Variants in L3MBTL4 observed in about 807,000 individuals in gnomAD.
L3MBTL4 encodes the protein L3MBTL histone methyl-lysine binding protein 4.
L3MBTL4 carries 70 observed loss-of-function variants against 84.5 expected under a neutral mutation model. The ratio of observed to expected loss-of-function variants is 0.83; its 90% CI spans 0.68 to 1.01. The LOEUF (loss-of-function observed/expected upper bound fraction) is 1.01. Among genes scored for constraint, L3MBTL4 ranks in the 50% least tolerant of loss-of-function variants. L3MBTL4 has a pLI of 0.00. For missense variants in L3MBTL4, 715 were observed against 754.8 expected (o/e 0.95, Z 0.62); for synonymous variants, 274 against 259.8 (o/e 1.05, Z -0.52).
intron 1 of L3MBTL4, among the ~76,000 whole-genome samples, chr18:6,379,184 C>T (rs549489632): frequency 2.0e-5 from 3 of 152,318 alleles, no homozygotes; most frequent in Non-Finnish European, 4.4e-5. Flanking sequence ...TGAGACTTTA[C>T]TGAAGTTGCT....
intron 16 of L3MBTL4, chr18:6,030,403 CACAA>C (rs1056794543): frequency 3.3e-5 from 33 of 985,082 alleles, no homozygotes; most frequent in Non-Finnish European, 4.0e-5. Flanking sequence ...AAAGCAGGAA[CACAA>C]ACATATATAC....
chr18:6,169,600 G>A (rs2043860108), intron 13 of L3MBTL4, among the ~76,000 whole-genome samples: 1 of 148,674 alleles, frequency 6.7e-6, no homozygotes, highest in African/African-American at 2.5e-5. Context: ...AACACCGCAT[G>A]TTCTCACTCA....
At chr18:6,074,820 C>T (rs1419140925) in intron 16 of L3MBTL4, among the ~76,000 whole-genome samples, 1 of 152,022 alleles carries the variant, frequency 6.6e-6, no homozygotes, top group East Asian at 1.9e-4. Context: ...ATTTTCCCAA[C>T]TTATGACATA....
intron 13 of L3MBTL4, among the ~76,000 whole-genome samples, chr18:6,159,693 C>A (rs1364383822): frequency 6.6e-6 from 1 of 152,176 alleles, no homozygotes; most frequent in Non-Finnish European, 1.5e-5. Context: ...CACCACCAGG[C>A]CACTCCATAC....
At position 5,955,325 on chromosome 18, in the gene L3MBTL4, T is replaced by G. The variant is rs1376246677; in HGVS notation, c.*895A>C. ...TTGTAAAGATGCACACAGCCCCAGA[T>G]GTAATATAACACAGCTCCTTATTAC... On this transcript the variant is annotated 3_prime_UTR_variant, in exon 19 of 19. Transcript: ENST00000317931. The G allele has an allele frequency of 2.6e-5, 4 of 152,256 alleles. No homozygotes were observed. The highest frequency in any genetic ancestry group is 4.4e-5 in the Non-Finnish European group (3 of 68,050). 9.4% of individuals were successfully genotyped at this position (152,256 alleles called of 1,614,324 possible).
intron 1 of L3MBTL4, among the ~76,000 whole-genome samples, chr18:6,318,053 C>T (rs995677621): frequency 9.9e-5 from 15 of 151,866 alleles, no homozygotes; most frequent in African/African-American, 2.2e-4. Context: ...AAACAAATGC[C>T]GAGGGAATTT....
intron 6 of L3MBTL4, 67 bp downstream of exon 6, chr18:6,244,417 T>TTTGA: frequency 9.9e-7 from 1 of 1,014,362 alleles, no homozygotes; most frequent in Non-Finnish European, 1.5e-6. Context: ...AACAAATTTG[T>TTTGA]TATTTTCTAG....
At chr18:6,291,624 G>T (rs896904984) in intron 4 of L3MBTL4, among the ~76,000 whole-genome samples, 4 of 152,120 alleles carry the variant, frequency 2.6e-5, no homozygotes, top group African/African-American at 9.7e-5. Flanking sequence ...AATAAATGGT[G>T]CTGGGGAAAC....
chr18:6,234,119 A>C (rs1177788587), intron 10 of L3MBTL4, among the ~76,000 whole-genome samples: 2 of 152,222 alleles, frequency 1.3e-5, no homozygotes, highest in African/African-American at 4.8e-5. Context: ...CGACATGTAG[A>C]AAGCTGAAAC....
At chr18:6,091,672 C>G (rs2058462684) in intron 15 of L3MBTL4, among the ~76,000 whole-genome samples, 1 of 152,148 alleles carries the variant, frequency 6.6e-6, no homozygotes, top group Admixed American at 6.5e-5. Context: ...AGGGAGGCAA[C>G]ATATCTGTGT....
intron 10 of L3MBTL4, among the ~76,000 whole-genome samples, chr18:6,235,916 CA>C (rs1436791288): frequency 6.6e-6 from 1 of 152,086 alleles, no homozygotes; most frequent in Non-Finnish European, 1.5e-5. Flanking sequence ...CTGAAAACTA[CA>C]AATTATAATT....
intron 14 of L3MBTL4, among the ~76,000 whole-genome samples, chr18:6,101,524 A>G (rs1242447512): frequency 6.6e-6 from 1 of 152,142 alleles, no homozygotes; most frequent in African/African-American, 2.4e-5. Flanking sequence ...CTACTTAACT[A>G]AAGCACCCAC....
intron 14 of L3MBTL4, among the ~76,000 whole-genome samples, chr18:6,094,521 G>T (rs1169291802): frequency 6.6e-6 from 1 of 152,000 alleles, no homozygotes; most frequent in South Asian, 2.1e-4. Flanking sequence ...TGTTATCACC[G>T]GCTACACCTA....
chr18:6,062,364 T>A (rs1469545208), intron 16 of L3MBTL4, among the ~76,000 whole-genome samples: 2 of 152,034 alleles, frequency 1.3e-5, no homozygotes, highest in Non-Finnish European at 2.9e-5. Flanking sequence ...TGCTCCTCTA[T>A]GGGTAAGGTG....
intron 14 of L3MBTL4, among the ~76,000 whole-genome samples, chr18:6,095,248 G>A (rs143746720): frequency 1.0e-3 from 158 of 151,920 alleles, no homozygotes; most frequent in African/African-American, 3.3e-3. Context: ...CTCACACAGT[G>A]TAAGCAACTT....
chr18:6,183,993 T>C (rs1024655774), intron 12 of L3MBTL4, among the ~76,000 whole-genome samples: 1 of 152,154 alleles, frequency 6.6e-6, no homozygotes, highest in Non-Finnish European at 1.5e-5. Flanking sequence ...TTGAACAACA[T>C]GATGGACAAT....
intron 1 of L3MBTL4, among the ~76,000 whole-genome samples, chr18:6,327,457 T>C (rs62079195): frequency 8.5e-5 from 13 of 152,198 alleles, no homozygotes; most frequent in Non-Finnish European, 1.6e-4. Context: ...ATATATATTC[T>C]ATCACAGATA....
At chr18:6,373,972 A>C (rs997807052) in intron 1 of L3MBTL4, among the ~76,000 whole-genome samples, 2 of 152,152 alleles carry the variant, frequency 1.3e-5, no homozygotes, top group Admixed American at 6.6e-5. Flanking sequence ...CAGAAACAAA[A>C]TTTTTGGGTT....
chr18:5,971,703 A>T (rs975763444), intron 16 of L3MBTL4, among the ~76,000 whole-genome samples: 15 of 152,210 alleles, frequency 9.9e-5, no homozygotes, highest in African/African-American at 3.4e-4. Flanking sequence ...TAATTCTGGA[A>T]GCAAATTATC....
Sources: gnomAD v4.1 joint callset for allele counts (sites outside exome capture counted in the v4.1 genomes callset) on GRCh38, gnomAD v4.1.1 for gene constraint, MANE v1.5 for transcripts, NCBI Gene and HGNC (gene_info 2026-07-23, HGNC 2026-07-21) for gene names.